The following SCRIB variants were observed in gnomAD, a reference collection of about 807,000 sequenced individuals.
SCRIB encodes protein scribble homolog.
In SCRIB, 72 loss-of-function variants were observed where a neutral mutation model predicts 170.0. That is an observed-to-expected ratio of 0.42 (90% CI 0.35 to 0.52). The LOEUF is 0.52. SCRIB is among the 20% of genes least tolerant of loss of function. The pLI is 0.02. For missense variants in SCRIB, 2,475 were observed against 2,338.5 expected (o/e 1.06, Z -1.20); for synonymous variants, 1,298 against 1,044.3 (o/e 1.24, Z -4.68).
chr8:143,795,204 A>T, intron 26 of SCRIB, 73 bp downstream of exon 26: 1 of 1,596,604 alleles, frequency 6.3e-7, no homozygotes, highest in Non-Finnish European at 8.6e-7. Context: ...GGGGGTTACT[A>T]CCCAGCACCC....
intron 9 of SCRIB, among the ~76,000 whole-genome samples, 156 bp from the exon 10 acceptor site, chr8:143,811,501 C>G (rs1054120348): frequency 6.6e-6 from 1 of 152,108 alleles, no homozygotes; most frequent in African/African-American, 2.4e-5. Flanking sequence ...ACCACAGAAG[C>G]TGTCTCCACC....
At chr8:143,803,291 G>T in intron 24 of SCRIB, 92 bp downstream of exon 24, 1 of 1,254,390 alleles carries the variant, frequency 8.0e-7, no homozygotes, top group East Asian at 2.6e-5. Flanking sequence ...GAGGCACAGG[G>T]GACCCGTCGC....
Position 143,804,054 on chromosome 8 carries a change from T to C in SCRIB, c.3112A>G (p.Ile1038Val), listed in dbSNP as rs375118770. ...TGGATGGGCCGCCCTACCTTGGAGA[T>C]GAACACACCAGGCTCCTGGACACCA... ...PFGVQEPGVF[I>V]SKVLPRGLAA... The change falls in exon 22 of 37, where the codon ATC becomes GTC. Residue 1038 changes from isoleucine to valine, a missense_variant. Coordinates refer to ENST00000356994, the MANE Select transcript of SCRIB (RefSeq NM_182706.5). The C allele has an allele frequency of 2.5e-6, 4 of 1,608,548 alleles. No homozygotes were observed. In the African/African-American group the frequency reaches 4.0e-5, roughly 16 times the overall value.
chr8:143,808,587 C>A (rs777524390), intron 15 of SCRIB, 22 bp downstream of exon 15: 1 of 1,499,518 alleles, frequency 6.7e-7, no homozygotes, highest in South Asian at 1.4e-5. Context: ...CTGGGTCAGG[C>A]AGGGGTGAGG....
intron 24 of SCRIB, among the ~76,000 whole-genome samples, chr8:143,801,887 G>A (rs782515040): frequency 3.3e-5 from 5 of 152,158 alleles, no homozygotes; most frequent in African/African-American, 4.8e-5. Context: ...CTCCTATACC[G>A]ACATGTCACG....
chr8:143,801,476 G>C (rs539889005), intron 24 of SCRIB, among the ~76,000 whole-genome samples: 4 of 152,296 alleles, frequency 2.6e-5, no homozygotes, highest in Non-Finnish European at 5.9e-5. Context: ...CCAGAATCCA[G>C]AAGTCATAAA....
intron 1 of SCRIB, 31 bp downstream of exon 1, chr8:143,815,183 C>CTT: frequency 6.5e-7 from 1 of 1,539,092 alleles, no homozygotes; most frequent in East Asian, 2.6e-5. Context: ...GGGGGCGCGC[C>CTT]TTTGGGCGGC....
intron 1 of SCRIB, 56 bp from the exon 2 acceptor site, chr8:143,814,174 A>T: frequency 7.1e-7 from 1 of 1,410,598 alleles, no homozygotes; most frequent in Non-Finnish European, 9.8e-7. Flanking sequence ...AGCAGAGAAG[A>T]GCTCCTGGAC....
At position 143,809,690 on chromosome 8, in the gene SCRIB, A is replaced by G. The variant is rs1490421308; in HGVS notation, c.1559T>C (p.Leu520Pro). ...EEKRLSAESG[L>P]SEDSRPSAST... is the part of the protein sequence containing the mutation. ...GGCAGATGGGCGAGAGTCTTCACTC[A>G]GGCCAGACTCGGCACTCAGCCGCTT... The change falls in exon 14 of 37, where the codon CTG (leucine) becomes CCG (proline). Residue 520 changes from leucine to proline, a missense_variant. Transcript: ENST00000356994. The G allele has an allele frequency of 4.3e-6, 7 of 1,610,378 alleles. No homozygotes were observed. Among genetic ancestry groups the G allele is most frequent in the Non-Finnish European group, 5.9e-6 (7 of 1,179,844 alleles).
chr8:143,799,744 T>TA (rs1815094532), intron 24 of SCRIB, among the ~76,000 whole-genome samples: 1 of 151,268 alleles, frequency 6.6e-6, no homozygotes, highest in African/African-American at 2.4e-5. Flanking sequence ...GCACGACCCC[T>TA]AAAAATGCAC....
In SCRIB at chr8:143,813,855, G is replaced by A. The variant is rs758448285; in HGVS notation, c.319C>T (p.Leu107=). 6.2e-6 allele frequency: 10 copies of A among 1,609,820 alleles called. No homozygotes were observed. The highest frequency in any genetic ancestry group is 1.1e-5 in the South Asian group (1 of 90,800). The stretch of plus-strand genomic sequence containing the variant: ...TTCCCGCTGAAGTCCGCGATCTCCA[G>A]AGCCTTGCAGAACTTGATGCTCTCC... ...IPESIKFCKA[L]EIADFSGNPL... is the part of the protein sequence containing the mutation. The change falls in exon 3 of 37, where the codon CTG becomes TTG. Residue 107 remains leucine (L), a synonymous_variant. Coordinates refer to ENST00000356994, the MANE Select transcript of SCRIB (RefSeq NM_182706.5).
Position 143,803,503 on chromosome 8 carries a change from G to A in SCRIB, c.3483C>T (p.Asn1161=). ...LRVGLRLLEV[N]QQSLLGLTHG... ...GCGTCAGGCCCAGCAGGCTCTGCTG[G>A]TTCACCTCCAACAGCCGCAAACCCA... The change falls in exon 24 of 37, where the codon AAC becomes AAT. Residue 1161 remains asparagine (N), a synonymous_variant. Transcript: ENST00000356994. The A allele has an allele frequency of 6.2e-7, 1 of 1,602,768 alleles. No homozygotes were observed. Among genetic ancestry groups the A allele is most frequent in the Non-Finnish European group, 8.5e-7 (1 of 1,179,442 alleles).
intron 13 of SCRIB, among the ~76,000 whole-genome samples, 181 bp downstream of exon 13, chr8:143,810,298 C>T (rs1815646831): frequency 6.6e-6 from 1 of 152,188 alleles, no homozygotes; most frequent in Non-Finnish European, 1.5e-5. Context: ...CCCACACGTC[C>T]ACCCTGGCAC....
intron 1 of SCRIB, chr8:143,814,826 A>C (rs1251343969): frequency 9.0e-6 from 2 of 221,690 alleles, no homozygotes; most frequent in Admixed American, 1.1e-4. Context: ...GGGCTCCCCC[A>C]CTCACCCCTG....
intron 9 of SCRIB, among the ~76,000 whole-genome samples, chr8:143,811,834 G>A (rs539358902): frequency 7.9e-5 from 12 of 152,270 alleles, no homozygotes; most frequent in African/African-American, 2.9e-4. Context: ...GCTAGCTCCT[G>A]TTTCCCAGCC....
At chr8:143,808,050 G>A (rs1307594321) in intron 15 of SCRIB, among the ~76,000 whole-genome samples, 2 of 152,230 alleles carry the variant, frequency 1.3e-5, no homozygotes, top group Non-Finnish European at 2.9e-5. Flanking sequence ...TGGCACCTCA[G>A]GAGGGCCCGA....
At chr8:143,795,012 G>A (rs1554633777) in intron 27 of SCRIB, 26 bp downstream of exon 27, 2 of 1,600,478 alleles carry the variant, frequency 1.2e-6, no homozygotes, top group African/African-American at 1.3e-5. Context: ...GACGGAGGTG[G>A]GGGGCACTGC....
chr8:143,802,407 G>A (rs1554635142), intron 24 of SCRIB, among the ~76,000 whole-genome samples: 1 of 152,274 alleles, frequency 6.6e-6, no homozygotes, highest in Non-Finnish European at 1.5e-5. Flanking sequence ...GCATCCCAGA[G>A]GCTGTTACAG....
At position 143,805,448 on chromosome 8, in the gene SCRIB, G is replaced by C. The variant is rs970456801; in HGVS notation, c.2347-13C>G. 1 of 1,471,382 alleles carries C rather than the reference G, an allele frequency of 6.8e-7. No homozygotes were observed. The highest frequency in any genetic ancestry group is 9.0e-7 in the Non-Finnish European group (1 of 1,112,696). 91.1% of individuals were successfully genotyped at this position (1,471,382 alleles called of 1,614,324 possible). A position where few individuals can be genotyped will look rare whatever the true frequency, so the allele number is the denominator to read the frequency against. On this transcript the variant is annotated splice_polypyrimidine_tract_variant and intron_variant, in intron 18 of 36. Coordinates refer to ENST00000356994, the MANE Select transcript of SCRIB (RefSeq NM_182706.5). ...CCACACCATTCACCTGCGGGCCAGGGACCACGTGCGTATTCAGGACCCAGT... is the reference window on the plus strand; with the variant it reads ...CCACACCATTCACCTGCGGGCCAGGCACCACGTGCGTATTCAGGACCCAGT...
Sources: gnomAD v4.1 joint callset for allele counts (sites outside exome capture counted in the v4.1 genomes callset) on GRCh38, gnomAD v4.1.1 for gene constraint, MANE v1.5 for transcripts, NCBI Gene and HGNC (gene_info 2026-07-23, HGNC 2026-07-21) for gene names.